GGH: variants seen among roughly 807,000 people sequenced by gnomAD.
The protein encoded by GGH is gamma-Glu-X carboxypeptidase.
A neutral mutation model predicts 39.2 loss-of-function variants in GGH; 18 were observed. The observed-to-expected ratio is 0.46, with a 90% CI of 0.32 to 0.68. The LOEUF (loss-of-function observed/expected upper bound fraction) is 0.68. GGH is among the 30% of genes least tolerant of loss of function. The probability of loss-of-function intolerance (pLI) is 0.04; values close to 1 mark genes in which losing one functional copy is unlikely to be tolerated. For missense variants in GGH, 367 were observed against 384.1 expected, an observed-to-expected ratio of 0.96 and a Z score of 0.37; for synonymous variants, 147 against 138.8, an observed-to-expected ratio of 1.06 and a Z score of -0.42.
chr8:63,029,973 C>A, intron 3 of GGH, 194 bp downstream of exon 3: 1 of 405,054 alleles, frequency 2.5e-6, no homozygotes, highest in Non-Finnish European at 4.5e-6. Context: ...ATTTCCTAAC[C>A]TGCCTCTTCC....
chr8:63,022,545 A>G (rs1804608440), intron 7 of GGH, among the ~76,000 whole-genome samples: 1 of 151,058 alleles, frequency 6.6e-6, no homozygotes, highest in Non-Finnish European at 1.5e-5. Context: ...TTTTATTTCA[A>G]TTATAATTTC....
At chr8:63,019,522 A>G (rs1359236611) in intron 7 of GGH, among the ~76,000 whole-genome samples, 1 of 152,240 alleles carries the variant, frequency 6.6e-6, no homozygotes, top group Non-Finnish European at 1.5e-5. Flanking sequence ...ACCTGAAAAC[A>G]CAATCAAAGC....
chr8:63,032,223 TA>T (rs1563670526), intron 2 of GGH, among the ~76,000 whole-genome samples: 1 of 151,996 alleles, frequency 6.6e-6, no homozygotes, highest in Non-Finnish European at 1.5e-5. Flanking sequence ...TTTTTATAGA[TA>T]GGGGTTTTTC....
intron 2 of GGH, among the ~76,000 whole-genome samples, chr8:63,034,378 TAA>T (rs1331909656): frequency 6.6e-6 from 1 of 152,230 alleles, no homozygotes; most frequent in Non-Finnish European, 1.5e-5. Context: ...CTCTAAATTG[TAA>T]TATTTGCATT....
At chr8:63,034,388 A>C (rs571142133) in intron 2 of GGH, among the ~76,000 whole-genome samples, 1 of 152,312 alleles carries the variant, frequency 6.6e-6, no homozygotes, top group African/African-American at 2.4e-5. Flanking sequence ...TAATATTTGC[A>C]TTTTATTAGT....
chr8:63,030,832 C>T (rs1804789559), intron 2 of GGH, among the ~76,000 whole-genome samples: 1 of 152,036 alleles, frequency 6.6e-6, no homozygotes, highest in African/African-American at 2.4e-5. Context: ...TCAAACACCC[C>T]TTAAGGGCCT....
intron 2 of GGH, among the ~76,000 whole-genome samples, chr8:63,031,146 G>T (rs147072718): frequency 1.2e-4 from 18 of 152,306 alleles, no homozygotes; most frequent in African/African-American, 4.3e-4. Flanking sequence ...CCTCAAAGAA[G>T]TTTTAGGGGG....
chr8:63,025,578 C>T (rs1804668563), intron 5 of GGH, among the ~76,000 whole-genome samples: 1 of 151,972 alleles, frequency 6.6e-6, no homozygotes, highest in Non-Finnish European at 1.5e-5. Flanking sequence ...ACTAAAAATA[C>T]AAAATTCAGC....
At chr8:63,038,100 A>G (rs951736358) in intron 1 of GGH, among the ~76,000 whole-genome samples, 2 of 152,208 alleles carry the variant, frequency 1.3e-5, no homozygotes, top group Non-Finnish European at 2.9e-5. Flanking sequence ...TTAAAACACA[A>G]ATATGTTGGA....
chr8:63,038,601 C>T (rs946034846), intron 1 of GGH, 59 bp downstream of exon 1: 5 of 713,938 alleles, frequency 7.0e-6, no homozygotes, highest in African/African-American at 5.7e-5. Context: ...CGGCGGGAGG[C>T]GCCCAGCGCC....
In GGH at chr8:63,015,332, T is replaced by C. The variant is rs1313080834; in HGVS notation, c.957A>G (p.Ter319TrpextTer6). Residue 319 changes from the stop codon to tryptophan (W), a stop_lost, in exon 9 of 9, where the codon TGA (stop) becomes TGG (tryptophan). Coordinates refer to ENST00000260118, the MANE Select transcript of GGH (RefSeq NM_003878.3). ...TGCTCTGTTAACAAATTGAAGACTT[T>C]CAATCAAATATGTAACATTGCTGAA... ...SSFQQCYIFD[*>W] 4 of 1,380,158 alleles carry C rather than the reference T, an allele frequency of 2.9e-6. No homozygotes were observed. Among genetic ancestry groups the C allele is most frequent in the South Asian group, 1.3e-5 (1 of 78,030 alleles). 85.5% of individuals were successfully genotyped at this position (1,380,158 alleles called of 1,614,324 possible).
intron 4 of GGH, 128 bp downstream of exon 4, chr8:63,027,053 A>G (rs1045012563): frequency 2.9e-6 from 2 of 686,654 alleles, no homozygotes; most frequent in Non-Finnish European, 5.2e-6. Flanking sequence ...CAGGCACCTC[A>G]AAATTAAAGG....
At chr8:63,029,141 AC>A (rs1454847871) in intron 3 of GGH, among the ~76,000 whole-genome samples, 5 of 152,332 alleles carry the variant, frequency 3.3e-5, no homozygotes, top group Middle Eastern at 3.4e-3. Context: ...TTTTAAAAAA[AC>A]ATTTTACAGT....
At chr8:63,027,029 G>C in intron 4 of GGH, 152 bp downstream of exon 4, 1 of 645,560 alleles carries the variant, frequency 1.5e-6, no homozygotes, top group South Asian at 1.7e-5. Flanking sequence ...AAAATAGGCG[G>C]GAGCAGCCAA....
chr8:63,035,035 C>G (rs144375689), intron 2 of GGH, among the ~76,000 whole-genome samples: 163 of 152,232 alleles, frequency 1.1e-3, no homozygotes, highest in Admixed American at 1.8e-3. Flanking sequence ...CCCCGCCCCC[C>G]CAACCACTTT....
chr8:63,017,419 A>T, intron 8 of GGH, 74 bp downstream of exon 8: 1 of 885,592 alleles, frequency 1.1e-6, no homozygotes, highest in Non-Finnish European at 1.8e-6. Flanking sequence ...GCAAAAGGGT[A>T]GGCAAAAGTT....
chr8:63,029,025 A>C (rs902040563), intron 3 of GGH, among the ~76,000 whole-genome samples: 67 of 152,372 alleles, frequency 4.4e-4, no homozygotes, highest in African/African-American at 1.6e-3. Context: ...TTTATGGTAA[A>C]TATTTACTGA....
chr8:63,027,221 TA>T lies in GGH; in HGVS notation c.319del (p.Tyr107MetfsTer37). The T allele has an allele frequency of 6.3e-7, 1 of 1,591,264 alleles. No individual in the cohort carries two copies. Among genetic ancestry groups the T allele is most frequent in the Non-Finnish European group, 8.6e-7 (1 of 1,159,358 alleles). The stretch of plus-strand genomic sequence containing the variant: ...ATAAAATATTTTGGCCACTTTAGCA[TA>T]ATCTGAGCGTCTGAGGTCAACACTT... ...GGSVDLRRSDYAKVAKIFYNL... is the reference protein window; with the variant it reads ...GGSVDLRRSDXAKVAKIFYNL... On this transcript the variant is annotated frameshift_variant, in exon 4 of 9. Transcript: ENST00000260118. LOFTEE classifies it high-confidence loss of function.
intron 1 of GGH, among the ~76,000 whole-genome samples, 176 bp from the exon 2 acceptor site, chr8:63,035,946 T>TA (rs935149971): frequency 1.3e-5 from 2 of 152,176 alleles, no homozygotes; most frequent in Non-Finnish European, 2.9e-5. Context: ...AGGCTGATCT[T>TA]ACTTTCAAGT....
Sources: allele counts gnomAD v4.1 joint callset (sites outside exome capture counted in the v4.1 genomes callset), GRCh38; gene constraint gnomAD v4.1.1; transcripts MANE v1.5; gene names NCBI Gene and HGNC (gene_info 2026-07-23, HGNC 2026-07-21).